Variants in CDH12 observed in about 807,000 individuals in gnomAD.
CDH12 encodes cadherin 12, also known as cadherin-12.
Under a neutral mutation model 74.1 loss-of-function variants are expected in CDH12, and 41 were observed. The observed-to-expected ratio is 0.55, with a 90% CI of 0.43 to 0.72. CDH12 has a LOEUF of 0.72. CDH12 is among the 30% of genes least tolerant of loss of function. CDH12 has a pLI of 0.00. For synonymous variants in CDH12, 399 were observed against 355.0 expected (o/e 1.12, Z -1.39); for missense variants, 945 against 977.2 (o/e 0.97, Z 0.44).
intron 2 of CDH12, among the ~76,000 whole-genome samples, chr5:22,492,488 C>T (rs1201131348): frequency 6.6e-6 from 1 of 151,802 alleles, no homozygotes; most frequent in Non-Finnish European, 1.5e-5. Context: ...GCTGGGATTA[C>T]AGGCATACAC....
intron 6 of CDH12, among the ~76,000 whole-genome samples, chr5:21,860,894 C>A (rs971270911): frequency 6.6e-6 from 1 of 152,008 alleles, no homozygotes; most frequent in Admixed American, 6.6e-5. Context: ...TGGGACTTCA[C>A]CTTGCGATCT....
At chr5:22,043,587 G>A (rs1474707058) in intron 5 of CDH12, among the ~76,000 whole-genome samples, 1 of 151,928 alleles carries the variant, frequency 6.6e-6, no homozygotes, top group Non-Finnish European at 1.5e-5. Context: ...GGAAGTCCTA[G>A]CCAGAGGATT....
chr5:21,786,633 G>A (rs958771384), intron 10 of CDH12, among the ~76,000 whole-genome samples: 3 of 152,120 alleles, frequency 2.0e-5, no homozygotes, highest in Non-Finnish European at 4.4e-5. Flanking sequence ...AAAGTCCATA[G>A]ACAAAAAATG....
intron 9 of CDH12, among the ~76,000 whole-genome samples, chr5:21,808,801 C>T (rs1213714648): frequency 1.3e-5 from 2 of 151,872 alleles, no homozygotes; most frequent in African/African-American, 4.8e-5. Context: ...CAAAAGGTTG[C>T]AACTCAATAT....
intron 6 of CDH12, among the ~76,000 whole-genome samples, chr5:21,967,560 G>A (rs1452769276): frequency 1.3e-5 from 2 of 151,598 alleles, no homozygotes; most frequent in African/African-American, 4.8e-5. Flanking sequence ...TGGTGGTTTC[G>A]AAAAAAAAGA....
intron 3 of CDH12, among the ~76,000 whole-genome samples, chr5:22,319,932 G>T (rs1387978056): frequency 6.6e-6 from 1 of 152,044 alleles, no homozygotes; most frequent in African/African-American, 2.4e-5. Context: ...GATAAAAAGG[G>T]GAAGAGACGG....
intron 3 of CDH12, among the ~76,000 whole-genome samples, chr5:22,277,478 G>A (rs1291783614): frequency 6.6e-6 from 1 of 152,098 alleles, no homozygotes; most frequent in African/African-American, 2.4e-5. Context: ...TCTTCTCTGA[G>A]ACCCATAGTG....
At chr5:22,231,986 T>A (rs1389635053) in intron 3 of CDH12, among the ~76,000 whole-genome samples, 1 of 151,916 alleles carries the variant, frequency 6.6e-6, no homozygotes, top group Admixed American at 6.6e-5. Context: ...TTCGAAGATA[T>A]TTTATACATT....
intron 6 of CDH12, among the ~76,000 whole-genome samples, chr5:21,862,531 A>C (rs1751097711): frequency 6.6e-6 from 1 of 152,122 alleles, no homozygotes; most frequent in African/African-American, 2.4e-5. Flanking sequence ...TCTTCTTTCA[A>C]TCAATTTTGT....
At chr5:22,531,138 C>T in intron 1 of CDH12, among the ~76,000 whole-genome samples, 1 of 152,086 alleles carries the variant, frequency 6.6e-6, no homozygotes, top group Non-Finnish European at 1.5e-5. Context: ...ACCTCCCATG[C>T]ACCCCCAAAA....
At chr5:22,010,623 C>G (rs184362470) in intron 5 of CDH12, among the ~76,000 whole-genome samples, 2 of 152,262 alleles carry the variant, frequency 1.3e-5, no homozygotes, top group East Asian at 3.9e-4. Context: ...TAGTCCCACT[C>G]TCTGGTTTAT....
At chr5:21,809,590 A>G (rs942295411) in intron 9 of CDH12, among the ~76,000 whole-genome samples, 2 of 152,200 alleles carry the variant, frequency 1.3e-5, no homozygotes, top group Non-Finnish European at 2.9e-5. Flanking sequence ...TTGTAGAATC[A>G]GTAAAACATA....
chr5:22,658,230 A>C (rs1054823774), intron 1 of CDH12, among the ~76,000 whole-genome samples: 4 of 152,114 alleles, frequency 2.6e-5, no homozygotes, highest in Non-Finnish European at 5.9e-5. Flanking sequence ...TTTATTGTCT[A>C]AACATTCTGG....
intron 6 of CDH12, among the ~76,000 whole-genome samples, chr5:21,927,473 C>T (rs981402080): frequency 5.9e-5 from 9 of 151,650 alleles, no homozygotes; most frequent in Admixed American, 2.0e-4. Context: ...TGACTGTAGT[C>T]CCAGCTACTC....
intron 10 of CDH12, among the ~76,000 whole-genome samples, chr5:21,795,985 AT>A (rs1266797333): frequency 6.6e-6 from 1 of 152,050 alleles, no homozygotes; most frequent in African/African-American, 2.4e-5. Flanking sequence ...AGGCATTTTT[AT>A]TTTAACAACT....
chr5:22,351,369 C>A (rs1740348905), intron 3 of CDH12, among the ~76,000 whole-genome samples: 1 of 152,136 alleles, frequency 6.6e-6, no homozygotes, highest in African/African-American at 2.4e-5. Context: ...CCCTGCCAAG[C>A]CAGCCAACTC....
chr5:22,418,380 T>C (rs529365377), intron 2 of CDH12, among the ~76,000 whole-genome samples: 31 of 152,204 alleles, frequency 2.0e-4, no homozygotes, highest in Non-Finnish European at 4.1e-4. Flanking sequence ...TATACAATCA[T>C]GTCATCTGCA....
At chr5:22,135,571 T>C (rs1321542270) in intron 4 of CDH12, among the ~76,000 whole-genome samples, 2 of 152,106 alleles carry the variant, frequency 1.3e-5, no homozygotes, top group Admixed American at 1.3e-4. Flanking sequence ...AAATTTAACA[T>C]TTAATTTAGA....
intron 1 of CDH12, among the ~76,000 whole-genome samples, chr5:22,843,356 C>T (rs1352362178): frequency 1.3e-5 from 2 of 151,990 alleles, no homozygotes; most frequent in East Asian, 1.9e-4. Flanking sequence ...CTCTGTAGTA[C>T]TGTGAAATTA....
Sources: gnomAD v4.1 joint callset for allele counts (sites outside exome capture counted in the v4.1 genomes callset) on GRCh38, gnomAD v4.1.1 for gene constraint, MANE v1.5 for transcripts, NCBI Gene and HGNC (gene_info 2026-07-23, HGNC 2026-07-21) for gene names.